Variants in APELA observed in about 807,000 individuals in gnomAD.
The protein encoded by APELA is protein Elabela.
At chr4:164,882,351 C>G (rs1367049318) in intron 2 of APELA, among the ~76,000 whole-genome samples, 2 of 151,990 alleles carry the variant, frequency 1.3e-5, no homozygotes, top group Non-Finnish European at 2.9e-5. Flanking sequence ...GATCTGCCCC[C>G]CCTCAGACTC....
chr4:164,893,950 T>C (rs1268678074), intron 2 of APELA, among the ~76,000 whole-genome samples: 1 of 151,730 alleles, frequency 6.6e-6, no homozygotes, highest in Non-Finnish European at 1.5e-5. Flanking sequence ...CTTGGGTTTG[T>C]ATTTTGGTCA....
chr4:164,883,241 A>G (rs982186754), intron 2 of APELA, among the ~76,000 whole-genome samples: 1 of 152,170 alleles, frequency 6.6e-6, no homozygotes, highest in African/African-American at 2.4e-5. Context: ...TTCATCTCCA[A>G]CTTTAGCTGG....
chr4:164,896,398 T>G lies in APELA; in HGVS notation c.*984T>G, dbSNP rs1730977166. The G allele has an allele frequency of 1.3e-5, 2 of 152,232 alleles. No homozygotes were observed. The highest frequency in any genetic ancestry group is 4.1e-4 in the South Asian group (2 of 4,834). 9.4% of individuals were successfully genotyped at this position (152,232 alleles called of 1,614,324 possible). ...CCCAACGTTTGATTTCCTTTGAAGTTTTGTTATGTCCTTTATTATTTTGTA... is the reference window on the plus strand; with the variant it reads ...CCCAACGTTTGATTTCCTTTGAAGTGTTGTTATGTCCTTTATTATTTTGTA... On this transcript the variant is annotated 3_prime_UTR_variant, in exon 3 of 3. Coordinates refer to ENST00000507152, the MANE Select transcript of APELA (RefSeq NM_001297550.2).
chr4:164,879,403 G>C (rs1425876191), intron 2 of APELA: 1 of 156,266 alleles, frequency 6.4e-6, no homozygotes, highest in Non-Finnish European at 1.4e-5. Context: ...AATACTTCGG[G>C]GTTTCTTTTC....
At chr4:164,881,872 CA>C (rs11340116) in intron 2 of APELA, among the ~76,000 whole-genome samples, 88,256 of 139,718 alleles carry the variant, frequency 0.63, 27,515 homozygotes, top group African/African-American at 0.69. Context: ...TTGTCTCTAC[CA>C]AAAAAAAAAA....
At chr4:164,884,139 G>C (rs576474425) in intron 2 of APELA, among the ~76,000 whole-genome samples, 139 of 144,832 alleles carry the variant, frequency 9.6e-4, no homozygotes, top group African/African-American at 3.5e-3. Context: ...AAGAAAGAAA[G>C]AAAGAAAGAA....
At chr4:164,893,742 GT>G (rs940232464) in intron 2 of APELA, among the ~76,000 whole-genome samples, 3 of 152,064 alleles carry the variant, frequency 2.0e-5, no homozygotes, top group Admixed American at 6.6e-5. Context: ...GGTTAATCAT[GT>G]TTTTTGTTTG....
At chr4:164,879,919 C>G (rs17623248) in intron 2 of APELA, among the ~76,000 whole-genome samples, 8,139 of 152,242 alleles carry the variant, frequency 0.053, 239 homozygotes, top group South Asian at 0.074. Flanking sequence ...TTGCTCCTCC[C>G]TTTTCTTGTT....
downstream of APELA, among the ~76,000 whole-genome samples, chr4:164,897,948 T>C (rs1406282577): frequency 6.6e-6 from 1 of 152,198 alleles, no homozygotes; most frequent in Non-Finnish European, 1.5e-5. Context: ...AGGAGCTCAG[T>C]GGCGTGCTTC....
intron 2 of APELA, among the ~76,000 whole-genome samples, chr4:164,882,669 A>C (rs892250779): frequency 6.6e-6 from 1 of 152,130 alleles, no homozygotes; most frequent in Non-Finnish European, 1.5e-5. Context: ...ATATGTATAC[A>C]TGTGCTATGT....
chr4:164,888,716 T>C (rs1323123370), intron 2 of APELA, among the ~76,000 whole-genome samples: 1 of 152,218 alleles, frequency 6.6e-6, no homozygotes, highest in Non-Finnish European at 1.5e-5. Context: ...CTTTTGCTTC[T>C]CTTTTATCCA....
chr4:164,884,121 G>GAAACAA (rs5863729), intron 2 of APELA, among the ~76,000 whole-genome samples: 22 of 113,378 alleles, frequency 1.9e-4, no homozygotes, highest in African/African-American at 8.2e-4. Context: ...AAGAAAGAAA[G>GAAACAA]AGAAAGAAAG....
rs376024989 is a variant in APELA at position 164,882,440 on chromosome 4, A to G, written c.*1+3431A>G. Among the ~76,000 whole-genome samples the G allele has an allele frequency of 1.9e-4, 29 of 152,230 alleles. No individual in the cohort carries two copies. In the East Asian group the frequency reaches 1.9e-3, roughly 10 times the overall value. ...TTAATAACAATTGTAATACATCTTC[A>G]TGGTGTAGAATATATTTCTAACAGT... On this transcript the variant is annotated intron_variant, in intron 2 of 2. Transcript: ENST00000507152.
At chr4:164,884,323 T>G (rs1489143888) in intron 2 of APELA, among the ~76,000 whole-genome samples, 2 of 152,158 alleles carry the variant, frequency 1.3e-5, no homozygotes, top group Non-Finnish European at 2.9e-5. Flanking sequence ...CCACACTTTT[T>G]GAAAAGGCAG....
Position 164,877,193 on chromosome 4 carries a change from C to G in APELA, c.-139C>G, listed in dbSNP as rs1478718945. The G allele has an allele frequency of 7.6e-6, 3 of 394,208 alleles. No individual in the cohort carries two copies. The highest frequency in any genetic ancestry group is 1.3e-5 in the Non-Finnish European group (3 of 223,490). The allele number at this position is 394,208 out of a possible 1,614,324, so 24.4% of individuals were successfully genotyped here. A position where few individuals can be genotyped will look rare whatever the true frequency, so the allele number is the denominator to read the frequency against. Reference sequence around the variant, plus strand: ...AACTTTGTCTAATGTGATCATTAACCTTCCTGCAAAACACAGCTGGCAGTT... The same window carrying G: ...AACTTTGTCTAATGTGATCATTAACGTTCCTGCAAAACACAGCTGGCAGTT... On this transcript the variant is annotated 5_prime_UTR_variant, in exon 1 of 3. Transcript: ENST00000507152.
chr4:164,893,782 C>T (rs1162774159), intron 2 of APELA, among the ~76,000 whole-genome samples: 3 of 152,164 alleles, frequency 2.0e-5, no homozygotes, highest in Non-Finnish European at 2.9e-5. Context: ...CTGACACAAT[C>T]TGCCTTTTGA....
intron 2 of APELA, among the ~76,000 whole-genome samples, chr4:164,884,159 G>GAAAA: frequency 7.1e-6 from 1 of 141,602 alleles, no homozygotes; most frequent in South Asian, 2.3e-4. Context: ...AAGAAAGAAA[G>GAAAA]GAGAAGAGAA....
At chr4:164,885,944 T>C (rs563575482) in intron 2 of APELA, among the ~76,000 whole-genome samples, 3 of 152,190 alleles carry the variant, frequency 2.0e-5, no homozygotes, top group African/African-American at 7.2e-5. Context: ...GTCCAAACTC[T>C]CTCCCTCCTT....
intron 2 of APELA, among the ~76,000 whole-genome samples, chr4:164,883,546 G>A (rs1730701784): frequency 6.8e-6 from 1 of 147,374 alleles, no homozygotes; most frequent in South Asian, 2.1e-4. Flanking sequence ...GGGTGCCATG[G>A]CATGATCATA....
Sources: gnomAD v4.1 joint callset for allele counts (sites outside exome capture counted in the v4.1 genomes callset) on GRCh38, gnomAD v4.1.1 for gene constraint, MANE v1.5 for transcripts, NCBI Gene and HGNC (gene_info 2026-07-23, HGNC 2026-07-21) for gene names.